ELN: variants seen among roughly 807,000 people sequenced by gnomAD.
The protein encoded by ELN is elastin.
ELN carries 65 observed loss-of-function variants against 105.8 expected under a neutral mutation model. That is an observed-to-expected ratio of 0.61 (90% CI 0.50 to 0.75). The LOEUF (loss-of-function observed/expected upper bound fraction) is 0.75. ELN is among the 30% of genes least tolerant of loss of function. The pLI, the probability that ELN is intolerant of heterozygous loss-of-function variation, is 0.00. For missense variants in ELN, 882 were observed against 969.4 expected, an observed-to-expected ratio of 0.91 and a Z score of 1.20; for synonymous variants, 368 against 389.2, an observed-to-expected ratio of 0.95 and a Z score of 0.64.
intron 31 of ELN, 110 bp from the exon 32 acceptor site, chr7:74,066,622 G>C: frequency 2.1e-6 from 2 of 933,630 alleles, no homozygotes; most frequent in Non-Finnish European, 1.8e-6. Flanking sequence ...GGGATGGAGA[G>C]GAGGTGATCC....
chr7:74,056,419 G>A lies in ELN; in HGVS notation c.1299G>A (p.Pro433=), dbSNP rs367742656. 1.6e-5 allele frequency: 26 copies of A among 1,613,712 alleles called. No homozygotes were observed. The highest frequency in any genetic ancestry group is 8.0e-5 in the African/African-American group (6 of 74,978). ...GTGTTCCCGGAGTCGGAGGTGTCCC[G>A]GGAGTTGGCATTTCCCGTGAGCCTT... is the stretch of plus-strand genomic sequence containing the variant. The part of the protein sequence containing the change: ...VGGVPGVGGV[P]GVGISPEAQA... Residue 433 remains proline, a synonymous_variant, in exon 20 of 33, where the codon CCG becomes CCA. Transcript: ENST00000252034.
At chr7:74,041,341 A>G (rs1791172990) in intron 5 of ELN, 90 bp downstream of exon 5, 3 of 1,541,392 alleles carry the variant, frequency 1.9e-6, no homozygotes, top group Non-Finnish European at 1.8e-6. Flanking sequence ...TCATGGAACA[A>G]GGGTGCAGGC....
At position 74,047,712 on chromosome 7, in the gene ELN, C is replaced by A. The variant is rs1792900965; in HGVS notation, c.681C>A (p.Pro227=). The change falls in exon 13 of 33, where the codon CCC becomes CCA. Residue 227 remains proline, a synonymous_variant. Transcript: ENST00000252034. ...TGCCCTACACCACAGGGAAACTGCC[C>A]TATGGTGAGTGAGACCCTTCTAGAC... The part of the protein sequence containing the change: ...YGLPYTTGKL[P]YGYGPGGVAG... 6.2e-7 allele frequency: 1 copy of A among 1,614,016 alleles called. No homozygotes were observed. The highest frequency in any genetic ancestry group is 2.2e-5 in the East Asian group (1 of 44,886).
intron 7 of ELN, 30 bp from the exon 8 acceptor site, chr7:74,043,088 C>A: frequency 6.2e-7 from 1 of 1,614,102 alleles, no homozygotes; most frequent in Non-Finnish European, 8.5e-7. Context: ...CTGGGTGGAG[C>A]CAACTCTGAT....
At chr7:74,036,488 G>A in intron 2 of ELN, 67 bp from the exon 3 acceptor site, 1 of 1,605,402 alleles carries the variant, frequency 6.2e-7, no homozygotes, top group Non-Finnish European at 8.5e-7. Context: ...GCCATAGCTG[G>A]GGGTGGCAGC....
intron 32 of ELN, among the ~76,000 whole-genome samples, chr7:74,067,510 C>T (rs1798209630): frequency 6.6e-6 from 1 of 151,792 alleles, no homozygotes; most frequent in Admixed American, 6.6e-5. Flanking sequence ...TCGTGATCCG[C>T]CCGCCTCGGC....
intron 3 of ELN, 128 bp downstream of exon 3, chr7:74,036,712 T>C (rs1191651761): frequency 7.3e-7 from 1 of 1,365,952 alleles, no homozygotes; most frequent in Non-Finnish European, 1.0e-6. Flanking sequence ...ACAGACAGCA[T>C]CCAGGCGGTG....
At chr7:74,066,677 G>T in intron 31 of ELN, 55 bp from the exon 32 acceptor site, 1 of 1,591,892 alleles carries the variant, frequency 6.3e-7, no homozygotes, top group South Asian at 1.1e-5. Flanking sequence ...AAAGTGATGA[G>T]GCTGGAGTCA....
intron 32 of ELN, among the ~76,000 whole-genome samples, chr7:74,067,557 C>T (rs1326700469): frequency 6.6e-6 from 1 of 151,768 alleles, no homozygotes; most frequent in African/African-American, 2.4e-5. Context: ...TGAGCCACCA[C>T]GTCCGGCCGT....
intron 26 of ELN, among the ~76,000 whole-genome samples, chr7:74,061,790 G>A (rs1554684902): frequency 6.6e-6 from 1 of 152,102 alleles, no homozygotes; most frequent in Admixed American, 6.5e-5. Flanking sequence ...TGAAATCCCA[G>A]TTGCCCCCCA....
At chr7:74,065,615 A>AG in intron 29 of ELN, 79 bp from the exon 30 acceptor site, 4 of 1,424,592 alleles carry the variant, frequency 2.8e-6, no homozygotes, top group Non-Finnish European at 3.9e-6. Flanking sequence ...CTCTGCCTCA[A>AG]GAAAAAAAAA....
At chr7:74,036,469 G>A in intron 2 of ELN, 86 bp from the exon 3 acceptor site, 3 of 1,580,820 alleles carry the variant, frequency 1.9e-6, no homozygotes, top group Non-Finnish European at 2.6e-6. Flanking sequence ...TTAGGCAGAG[G>A]TGGATTCAGC....
intron 9 of ELN, among the ~76,000 whole-genome samples, chr7:74,044,762 C>T (rs140884697): frequency 6.6e-6 from 1 of 152,340 alleles, no homozygotes; most frequent in Non-Finnish European, 1.5e-5. Flanking sequence ...CTGCCCAGCC[C>T]CAGGGGAGAC....
Position 74,068,699 on chromosome 7 carries a change from G to A in ELN, c.2174G>A (p.Ter725=). ...LGKACGRKRK[*] ...AAAGCTTGTGGCCGGAAGAGAAAAT[G>A]AGCTTCCTAGGACCCCTGACTCACG... The change falls in exon 33 of 33, where the codon TGA becomes TAA. Residue 725 remains the stop codon, a stop_retained_variant. Coordinates refer to ENST00000252034, the MANE Select transcript of ELN (RefSeq NM_000501.4). The A allele has an allele frequency of 6.2e-7, 1 of 1,614,016 alleles. No individual in the cohort carries two copies. Among genetic ancestry groups the A allele is most frequent in the Non-Finnish European group, 8.5e-7 (1 of 1,179,982 alleles).
intron 32 of ELN, among the ~76,000 whole-genome samples, chr7:74,067,207 T>G (rs1208091803): frequency 1.3e-5 from 2 of 151,230 alleles, no homozygotes; most frequent in African/African-American, 4.9e-5. Flanking sequence ...GATCACGAGG[T>G]CAGGAGATGG....
chr7:74,052,887 G>GAAAA, intron 17 of ELN: 1 of 502,614 alleles, frequency 2.0e-6, no homozygotes, highest in African/African-American at 1.9e-5. Flanking sequence ...GAGAGAGAGA[G>GAAAA]AGAAAGAAAG....
intron 26 of ELN, among the ~76,000 whole-genome samples, chr7:74,061,598 G>A (rs1321035530): frequency 1.3e-5 from 2 of 152,146 alleles, no homozygotes; most frequent in Admixed American, 6.5e-5. Context: ...GTTGCAGTGA[G>A]CCGAGATCAC....
At chr7:74,050,049 C>A (rs995603038) in intron 15 of ELN, among the ~76,000 whole-genome samples, 2 of 150,982 alleles carry the variant, frequency 1.3e-5, no homozygotes, top group Non-Finnish European at 3.0e-5. Flanking sequence ...ATGCATGCAT[C>A]CATCCTTCCA....
intron 9 of ELN, 78 bp downstream of exon 9, chr7:74,043,998 T>A: frequency 1.3e-6 from 2 of 1,566,756 alleles, no homozygotes; most frequent in Non-Finnish European, 1.7e-6. Context: ...ATAATCCCAT[T>A]GCTTTGGGAG....
Sources: gnomAD v4.1 joint callset for allele counts (sites outside exome capture counted in the v4.1 genomes callset) on GRCh38, gnomAD v4.1.1 for gene constraint, MANE v1.5 for transcripts, NCBI Gene and HGNC (gene_info 2026-07-23, HGNC 2026-07-21) for gene names.